DLG2: variants seen among roughly 807,000 people sequenced by gnomAD.
The protein encoded by DLG2 is discs large MAGUK scaffold protein 2, also known as disks large homolog 2.
A neutral mutation model predicts 132.5 loss-of-function variants in DLG2; 45 were observed. The observed-to-expected ratio is 0.34, with a 90% CI of 0.27 to 0.44. DLG2 has a LOEUF of 0.44. DLG2 is among the 20% of genes least tolerant of loss of function. The pLI is 1.00. For missense variants in DLG2, 1,045 were observed against 1,196.9 expected (o/e 0.87, Z 1.87); for synonymous variants, 424 against 419.6 (o/e 1.01, Z -0.13).
At chr11:84,702,303 C>G (rs762444650) in intron 6 of DLG2, among the ~76,000 whole-genome samples, 2 of 151,612 alleles carry the variant, frequency 1.3e-5, no homozygotes, top group Non-Finnish European at 3.0e-5. Context: ...ACTCTCAAAT[C>G]TGTAGCTACA....
intron 4 of DLG2, among the ~76,000 whole-genome samples, chr11:85,282,199 G>C (rs2078275243): frequency 6.6e-6 from 1 of 151,886 alleles, no homozygotes; most frequent in South Asian, 2.1e-4. Context: ...ATGGGTACAA[G>C]GGTCTGTGAA....
intron 3 of DLG2, among the ~76,000 whole-genome samples, chr11:85,471,493 T>G (rs904670893): frequency 2.6e-5 from 4 of 152,082 alleles, no homozygotes; most frequent in Admixed American, 6.5e-5. Context: ...ACAAAACACG[T>G]AAGGAACAAG....
intron 18 of DLG2, among the ~76,000 whole-genome samples, chr11:83,761,641 T>C (rs1027629101): frequency 4.6e-5 from 7 of 152,180 alleles, no homozygotes; most frequent in African/African-American, 1.4e-4. Context: ...CTAGACTAAC[T>C]GCTCCTAGAC....
chr11:85,536,214 CAAAAAAAAAAA>C (rs527811605), intron 3 of DLG2, among the ~76,000 whole-genome samples: 2 of 57,518 alleles, frequency 3.5e-5, no homozygotes, highest in Non-Finnish European at 6.8e-5. Flanking sequence ...GACCCTGTCT[CAAAAAAAAAAA>C]AAAAAAAAAA....
At chr11:85,109,547 T>A (rs1366265015) in intron 6 of DLG2, among the ~76,000 whole-genome samples, 1 of 152,086 alleles carries the variant, frequency 6.6e-6, no homozygotes, top group Non-Finnish European at 1.5e-5. Flanking sequence ...TTTATAATAA[T>A]TCAAAAGACA....
chr11:84,064,892 T>G (rs2096647917), intron 10 of DLG2, among the ~76,000 whole-genome samples: 1 of 152,054 alleles, frequency 6.6e-6, no homozygotes, highest in Non-Finnish European at 1.5e-5. Flanking sequence ...TGGAACAGAA[T>G]AGGGAATCTA....
chr11:84,051,686 C>A (rs949994854), intron 11 of DLG2, among the ~76,000 whole-genome samples: 1 of 150,766 alleles, frequency 6.6e-6, no homozygotes, highest in Non-Finnish European at 1.5e-5. Context: ...TGACGAGTTA[C>A]TGGGTGCAGC....
chr11:85,139,045 G>T (rs983286564), intron 5 of DLG2, among the ~76,000 whole-genome samples: 1 of 152,022 alleles, frequency 6.6e-6, no homozygotes. Flanking sequence ...TCAAGGCTCT[G>T]CTCAGATGTT....
rs1234758854 is a variant in DLG2 at position 84,482,584 on chromosome 11, AT to A, written c.519+51985del. Among the ~76,000 whole-genome samples the A allele has an allele frequency of 2.0e-5, 3 of 152,238 alleles. No individual in the cohort carries two copies. The East Asian group carries it at 5.8e-4, about 29-fold the overall frequency. Reference sequence around the variant, plus strand: ...AACTGTTGAGAGGTTACACAAGATCATTAATGAGAAAGTACTTTGTAAATGT... The same window carrying A: ...AACTGTTGAGAGGTTACACAAGATCATAATGAGAAAGTACTTTGTAAATGT... On this transcript the variant is annotated intron_variant, in intron 7 of 27. Transcript: ENST00000376104.
chr11:84,221,896 AT>A (rs1014562551), intron 8 of DLG2, among the ~76,000 whole-genome samples: 9 of 152,090 alleles, frequency 5.9e-5, no homozygotes, highest in African/African-American at 1.2e-4. Flanking sequence ...TATATTTAAT[AT>A]TTTTTATAAC....
chr11:85,464,888 C>T (rs1008335854), intron 3 of DLG2, among the ~76,000 whole-genome samples: 1 of 151,272 alleles, frequency 6.6e-6, no homozygotes, highest in South Asian at 2.1e-4. Flanking sequence ...GCCTGGCCAA[C>T]ATGGTGACAC....
At chr11:84,860,844 G>A (rs928497253) in intron 6 of DLG2, among the ~76,000 whole-genome samples, 3 of 151,302 alleles carry the variant, frequency 2.0e-5, no homozygotes, top group African/African-American at 7.3e-5. Flanking sequence ...CAAAGCCAAG[G>A]GGGAACTGCA....
chr11:83,965,645 A>C (rs1044697841), intron 12 of DLG2, among the ~76,000 whole-genome samples, 177 bp from the exon 13 acceptor site: 1 of 151,982 alleles, frequency 6.6e-6, no homozygotes, highest in African/African-American at 2.4e-5. Flanking sequence ...GATTCTATAA[A>C]ATAAGGTTGC....
At chr11:85,429,128 A>G (rs1469945808) in intron 3 of DLG2, among the ~76,000 whole-genome samples, 1 of 152,186 alleles carries the variant, frequency 6.6e-6, no homozygotes, top group Admixed American at 6.5e-5. Flanking sequence ...AAATTGAGGC[A>G]ATAATTAATA....
chr11:84,080,852 C>T (rs372223973), intron 10 of DLG2, among the ~76,000 whole-genome samples: 2 of 151,872 alleles, frequency 1.3e-5, no homozygotes, highest in African/African-American at 2.4e-5. Flanking sequence ...ATTAGCTGGG[C>T]GTGGTGGCGG....
intron 4 of DLG2, among the ~76,000 whole-genome samples, chr11:85,226,291 C>CATGG (rs1480480788): frequency 1.3e-5 from 2 of 151,684 alleles, no homozygotes; most frequent in Non-Finnish European, 2.9e-5. Flanking sequence ...TAGATGGATG[C>CATGG]ATGGATGGAT....
At chr11:85,227,188 A>C (rs922495978) in intron 4 of DLG2, among the ~76,000 whole-genome samples, 6 of 152,146 alleles carry the variant, frequency 3.9e-5, no homozygotes, top group Non-Finnish European at 8.8e-5. Context: ...CAATCAGCTG[A>C]GGCTATTACC....
At chr11:83,869,050 A>G (rs2374461) in intron 16 of DLG2, among the ~76,000 whole-genome samples, 46,331 of 152,022 alleles carry the variant, frequency 0.3, 7,767 homozygotes, top group African/African-American at 0.42. Flanking sequence ...TAGATTTGGA[A>G]GGCATCTAAT....
At chr11:83,747,212 T>C (rs912284652) in intron 18 of DLG2, among the ~76,000 whole-genome samples, 1 of 152,148 alleles carries the variant, frequency 6.6e-6, no homozygotes, top group Non-Finnish European at 1.5e-5. Context: ...GTAGTTTTGG[T>C]AGAATAACAT....
Sources: allele counts gnomAD v4.1 joint callset (sites outside exome capture counted in the v4.1 genomes callset), GRCh38; gene constraint gnomAD v4.1.1; transcripts MANE v1.5; gene names NCBI Gene and HGNC (gene_info 2026-07-23, HGNC 2026-07-21).